The following ZNF560 variants were observed in gnomAD, a reference collection of about 807,000 sequenced individuals.
The protein encoded by ZNF560 is zinc finger protein 560.
A neutral mutation model predicts 81.8 loss-of-function variants in ZNF560; 54 were observed. The observed-to-expected ratio is 0.66, with a 90% CI of 0.53 to 0.83. The LOEUF is 0.83. ZNF560 is among the 40% of genes least tolerant of loss of function. The probability of loss-of-function intolerance (pLI) is 0.00; values close to 1 mark genes in which losing one functional copy is unlikely to be tolerated. For synonymous variants in ZNF560, 321 were observed against 317.9 expected (o/e 1.01, Z -0.10); for missense variants, 940 against 932.4 (o/e 1.01, Z -0.11).
chr19:9,467,585 A>G lies in ZNF560; in HGVS notation c.1362T>C (p.His454=). 1 of 1,614,032 alleles carries G rather than the reference A, an allele frequency of 6.2e-7. No homozygotes were observed. ...TATGCTCATATGGCTTCTCTCCATT[A>G]TGAACTCTCAAATGTCCAAAAAGAG... ...YPSLFGHLRV[H]NGEKPYEHKE... Residue 454 remains histidine (H), a synonymous_variant, in exon 10 of 10, where the codon CAT becomes CAC. Transcript: ENST00000301480.
At chr19:9,464,493 G>A (rs745963206), downstream of ZNF560, among the ~76,000 whole-genome samples, 3 of 152,116 alleles carry the variant, frequency 2.0e-5, no homozygotes, top group Non-Finnish European at 4.4e-5. Context: ...ATCTGTTAGT[G>A]CACCCTTTCT....
chr19:9,465,129 ATT>A (rs887659069), downstream of ZNF560, among the ~76,000 whole-genome samples: 2,836 of 129,368 alleles, frequency 0.022, 88 homozygotes, highest in African/African-American at 0.078. Context: ...AAAGCTATTG[ATT>A]TTTTTTTTTT....
chr19:9,495,210 GAC>G (rs2073539334), intron 2 of ZNF560, among the ~76,000 whole-genome samples: 1 of 152,014 alleles, frequency 6.6e-6, no homozygotes, highest in South Asian at 2.1e-4. Flanking sequence ...AATTAAACAA[GAC>G]ACAGCATGCT....
At chr19:9,466,105 G>T (rs2073010690), downstream of ZNF560, among the ~76,000 whole-genome samples, 1 of 152,182 alleles carries the variant, frequency 6.6e-6, no homozygotes, top group African/African-American at 2.4e-5. Context: ...CAGCATTTTG[G>T]GAGGTGGAAG....
chr19:9,483,192 G>A (rs569548980), intron 2 of ZNF560, among the ~76,000 whole-genome samples: 65 of 151,070 alleles, frequency 4.3e-4, no homozygotes, highest in African/African-American at 1.4e-3. Context: ...GCCTCTTCCC[G>A]GCCGCCATCC....
At chr19:9,481,882 T>G (rs1436079116) in intron 2 of ZNF560, among the ~76,000 whole-genome samples, 2 of 152,232 alleles carry the variant, frequency 1.3e-5, no homozygotes, top group Admixed American at 6.5e-5. Context: ...CTCAAGGATC[T>G]AGAACTAGAA....
chr19:9,489,730 C>T (rs1003426608), intron 2 of ZNF560, among the ~76,000 whole-genome samples: 1 of 152,140 alleles, frequency 6.6e-6, no homozygotes, highest in African/African-American at 2.4e-5. Flanking sequence ...GCTGGGACTA[C>T]AGGCAGCTGC....
chr19:9,446,706 C>T, the ZNF560 span, among the ~76,000 whole-genome samples: 3 of 152,056 alleles, frequency 2.0e-5, no homozygotes, highest in South Asian at 2.1e-4. Flanking sequence ...CCTATTCAGT[C>T]GATTACACAT....
At chr19:9,491,516 G>A (rs1445343930) in intron 2 of ZNF560, among the ~76,000 whole-genome samples, 2 of 151,968 alleles carry the variant, frequency 1.3e-5, no homozygotes, top group Admixed American at 1.3e-4. Context: ...AAAATTAGGT[G>A]CAACACTTGG....
At chr19:9,446,584 G>GA in the ZNF560 span, among the ~76,000 whole-genome samples, 259 of 152,180 alleles carry the variant, frequency 1.7e-3, no homozygotes, top group Middle Eastern at 6.8e-3. Flanking sequence ...GTGTTGGTAG[G>GA]ATAAACAGTT....
chr19:9,498,116 C>A lies in ZNF560; in HGVS notation c.-57+12G>T, dbSNP rs12151173. 1,169 of 152,302 alleles carry A rather than the reference C, an allele frequency of 7.7e-3. 5 individuals are homozygous for A. Among genetic ancestry groups the A allele is most frequent in the Middle Eastern group, 0.031 (9 of 294 alleles). The allele number at this position is 152,302 out of a possible 1,614,324, so 9.4% of individuals were successfully genotyped here. A position where few individuals can be genotyped will look rare whatever the true frequency, so the allele number is the denominator to read the frequency against. ...AGCTGCCCCCTTAAACCAACTTTTTCCCAATGCTCACCCGAACACGGTGGA... is the reference window on the plus strand; with the variant it reads ...AGCTGCCCCCTTAAACCAACTTTTTACCAATGCTCACCCGAACACGGTGGA... On this transcript the variant is annotated intron_variant, in intron 2 of 9. Transcript: ENST00000301480.
chr19:9,483,540 G>T (rs983168479), intron 2 of ZNF560, among the ~76,000 whole-genome samples: 1 of 144,034 alleles, frequency 6.9e-6, no homozygotes, highest in Non-Finnish European at 1.5e-5. Flanking sequence ...GGGGTGGGGG[G>T]TCAGCCCCCG....
intron 5 of ZNF560, among the ~76,000 whole-genome samples, chr19:9,472,005 G>A (rs1325275845): frequency 6.6e-6 from 1 of 152,130 alleles, no homozygotes; most frequent in Non-Finnish European, 1.5e-5. Context: ...AGCTACTCGG[G>A]AGGCTGAGGC....
At chr19:9,448,226 GGC>G in the ZNF560 span, among the ~76,000 whole-genome samples, 9 of 147,632 alleles carry the variant, frequency 6.1e-5, 1 homozygote, top group South Asian at 1.3e-3. Context: ...GTGTGCGTGT[GGC>G]GGGGGGTTTG....
chr19:9,496,359 C>CA (rs770935376), intron 2 of ZNF560, among the ~76,000 whole-genome samples: 15 of 151,222 alleles, frequency 9.9e-5, no homozygotes, highest in Admixed American at 2.0e-4. Flanking sequence ...AAACAAAAAA[C>CA]AAAAAAACCC....
At position 9,467,194 on chromosome 19, in the gene ZNF560, A is replaced by G. The variant is rs1023686489; in HGVS notation, c.1753T>C (p.Ser585Pro). 2 of 1,613,858 alleles carry G rather than the reference A, an allele frequency of 1.2e-6. No individual in the cohort carries two copies. The highest frequency in any genetic ancestry group is 2.7e-5 in the African/African-American group (2 of 74,858). ...CTTCGTAAATGTTTAGTAAGGTATGAGCGCTCAGTGAAGGCTTTCCCACAT... is the reference window on the plus strand; with the variant it reads ...CTTCGTAAATGTTTAGTAAGGTATGGGCGCTCAGTGAAGGCTTTCCCACAT... ...MKCGKAFTERSYLTKHLRRHS... is the reference protein window; with the variant it reads ...MKCGKAFTERPYLTKHLRRHS... Residue 585 changes from serine (S) to proline (P), a missense_variant, in exon 10 of 10, where the codon TCA (serine) becomes CCA (proline). Physicochemically the swap from Ser to Pro is moderately conservative, Grantham distance 74. Coordinates refer to ENST00000301480, the MANE Select transcript of ZNF560 (RefSeq NM_152476.3).
intron 2 of ZNF560, among the ~76,000 whole-genome samples, chr19:9,485,690 C>A (rs939403465): frequency 9.9e-5 from 15 of 151,852 alleles, no homozygotes; most frequent in Admixed American, 9.8e-4. Context: ...GGATGACAGG[C>A]GTGCACTGCC....
intron 2 of ZNF560, among the ~76,000 whole-genome samples, chr19:9,475,643 G>A (rs1001250090): frequency 2.2e-4 from 32 of 143,596 alleles, no homozygotes; most frequent in African/African-American, 8.6e-4. Context: ...GTTTCACTCT[G>A]TTGCCCAGGC....
Position 9,466,497 on chromosome 19 carries a change from G to A in ZNF560, c.*77C>T. The A allele has an allele frequency of 7.3e-7, 1 of 1,374,254 alleles. No homozygotes were observed. The highest frequency in any genetic ancestry group is 2.3e-5 in the East Asian group (1 of 43,358). 85.1% of individuals were successfully genotyped at this position (1,374,254 alleles called of 1,614,324 possible). On this transcript the variant is annotated 3_prime_UTR_variant, in exon 10 of 10. Coordinates refer to ENST00000301480, the MANE Select transcript of ZNF560 (RefSeq NM_152476.3). ...CATTGATAGTGTTACTTTCTCCTGT[G>A]AATTTTTACATGTTCAGTTAGGCTT...
Sources: gnomAD v4.1 joint callset for allele counts (sites outside exome capture counted in the v4.1 genomes callset) on GRCh38, gnomAD v4.1.1 for gene constraint, MANE v1.5 for transcripts, NCBI Gene and HGNC (gene_info 2026-07-23, HGNC 2026-07-21) for gene names.